Variants in LHFPL3 observed in about 807,000 individuals in gnomAD.
The protein encoded by LHFPL3 is LHFPL tetraspan subfamily member 3 protein.
LHFPL3 carries 5 observed loss-of-function variants against 19.3 expected under a neutral mutation model. That is an observed-to-expected ratio of 0.26 (90% CI 0.14 to 0.54). The LOEUF is 0.54. LHFPL3 is among the 20% of genes least tolerant of loss of function. The pLI, the probability that LHFPL3 is intolerant of heterozygous loss-of-function variation, is 0.94. For missense variants in LHFPL3, 249 were observed against 307.4 expected (o/e 0.81, Z 1.42); for synonymous variants, 133 against 126.2 (o/e 1.05, Z -0.36).
chr7:104,743,636 C>T (rs1027158699), intron 2 of LHFPL3, among the ~76,000 whole-genome samples: 31 of 152,230 alleles, frequency 2.0e-4, no homozygotes, highest in Non-Finnish European at 1.9e-4. Context: ...CCCATATAAC[C>T]TTTTCATTGA....
chr7:104,358,119 G>T (rs1048629046), intron 1 of LHFPL3, among the ~76,000 whole-genome samples: 2 of 152,170 alleles, frequency 1.3e-5, no homozygotes, highest in Non-Finnish European at 2.9e-5. Context: ...ATCCAGAAGA[G>T]ACACATTTAC....
intron 1 of LHFPL3, among the ~76,000 whole-genome samples, chr7:104,454,888 A>C (rs7796342): frequency 0.24 from 36,275 of 152,114 alleles, 5,029 homozygotes; most frequent in African/African-American, 0.39. Flanking sequence ...CATAAAGTAC[A>C]AATTATTTAG....
intron 1 of LHFPL3, among the ~76,000 whole-genome samples, chr7:104,460,038 T>C (rs973489504): frequency 2.0e-5 from 3 of 152,168 alleles, no homozygotes; most frequent in Non-Finnish European, 4.4e-5. Flanking sequence ...GGCCCCAATG[T>C]CTGTTGTTCC....
At chr7:104,408,397 G>A (rs1441822374) in intron 1 of LHFPL3, among the ~76,000 whole-genome samples, 2 of 150,328 alleles carry the variant, frequency 1.3e-5, no homozygotes, top group Non-Finnish European at 2.9e-5. Flanking sequence ...TTTCACATAT[G>A]AATTTGTGGT....
intron 1 of LHFPL3, among the ~76,000 whole-genome samples, chr7:104,645,475 A>G (rs1399138165): frequency 6.6e-6 from 1 of 152,110 alleles, no homozygotes; most frequent in African/African-American, 2.4e-5. Flanking sequence ...AAATTCCTCG[A>G]TGAGTACTAT....
intron 1 of LHFPL3, among the ~76,000 whole-genome samples, chr7:104,590,034 C>G (rs1790675244): frequency 6.6e-6 from 1 of 152,106 alleles, no homozygotes; most frequent in African/African-American, 2.4e-5. Context: ...AGCGGTCTAT[C>G]AATTTTGTTG....
chr7:104,820,983 T>C (rs943083021), intron 2 of LHFPL3, among the ~76,000 whole-genome samples: 2 of 152,108 alleles, frequency 1.3e-5, no homozygotes, highest in African/African-American at 4.8e-5. Context: ...TGGACTGCGT[T>C]TCCCCTCCCC....
intron 1 of LHFPL3, among the ~76,000 whole-genome samples, chr7:104,605,954 C>A (rs968573741): frequency 6.6e-6 from 1 of 151,512 alleles, no homozygotes; most frequent in South Asian, 2.1e-4. Flanking sequence ...TTATTGCATA[C>A]GTTTGAGGTT....
At chr7:104,394,740 G>T (rs1484146736) in intron 1 of LHFPL3, among the ~76,000 whole-genome samples, 1 of 149,186 alleles carries the variant, frequency 6.7e-6, no homozygotes, top group Non-Finnish European at 1.5e-5. Context: ...TTGCTCTGTT[G>T]TTCAGGCTTG....
intron 1 of LHFPL3, among the ~76,000 whole-genome samples, chr7:104,487,167 G>A (rs527834221): frequency 2.6e-5 from 4 of 152,188 alleles, no homozygotes; most frequent in Middle Eastern, 6.8e-3. Context: ...GATGTATAAT[G>A]AAACCAGTTT....
rs376362174 is a variant in LHFPL3 at position 104,457,704 on chromosome 7, T to G, written c.445+128480T>G. Among the ~76,000 whole-genome samples, 250 of 142,410 alleles carry G rather than the reference T, an allele frequency of 1.8e-3. 8 individuals carry two copies. In the East Asian group the frequency reaches 0.049, roughly 28 times the overall value. 93.4% of individuals were successfully genotyped at this position (142,410 alleles called of 152,430 possible). A position where few individuals can be genotyped will look rare whatever the true frequency, so the allele number is the denominator to read the frequency against. ...GGAATCGCCACAGTGACTTCCACAA[T>G]GGTTGAACTAGTTTACAGTCCCACC... On this transcript the variant is annotated intron_variant, in intron 1 of 2. Transcript: ENST00000424859.
intron 1 of LHFPL3, among the ~76,000 whole-genome samples, chr7:104,517,851 G>A (rs1441330552): frequency 2.6e-5 from 4 of 152,070 alleles, no homozygotes; most frequent in East Asian, 3.9e-4. Context: ...ATTTTTGTGA[G>A]CAACACTCTT....
chr7:104,593,439 G>C (rs1196029994), intron 1 of LHFPL3, among the ~76,000 whole-genome samples: 2 of 152,166 alleles, frequency 1.3e-5, no homozygotes, highest in Non-Finnish European at 2.9e-5. Flanking sequence ...TACATTTGCT[G>C]AGGAGTGCTT....
At chr7:104,430,426 A>ACG (rs1562895239) in intron 1 of LHFPL3, among the ~76,000 whole-genome samples, 42 of 11,360 alleles carry the variant, frequency 3.7e-3, no homozygotes, top group African/African-American at 7.1e-3. Context: ...ATACATATAT[A>ACG]TATATATATA....
At chr7:104,517,810 T>C (rs997415752) in intron 1 of LHFPL3, among the ~76,000 whole-genome samples, 1 of 151,992 alleles carries the variant, frequency 6.6e-6, no homozygotes, top group Non-Finnish European at 1.5e-5. Context: ...GCCCGGACAA[T>C]TGCATTATTA....
intron 1 of LHFPL3, among the ~76,000 whole-genome samples, chr7:104,723,852 G>C (rs928392235): frequency 6.8e-6 from 1 of 146,694 alleles, no homozygotes; most frequent in African/African-American, 2.5e-5. Flanking sequence ...ATTTTAATAA[G>C]AAACCCATTT....
At chr7:104,683,457 G>A (rs2116100833) in intron 1 of LHFPL3, among the ~76,000 whole-genome samples, 1 of 152,298 alleles carries the variant, frequency 6.6e-6, no homozygotes, top group East Asian at 1.9e-4. Flanking sequence ...AAGACATACA[G>A]TTTCTAATGT....
intron 1 of LHFPL3, among the ~76,000 whole-genome samples, chr7:104,716,169 A>C (rs1458421655): frequency 6.6e-6 from 1 of 152,172 alleles, no homozygotes; most frequent in Non-Finnish European, 1.5e-5. Flanking sequence ...TAACATGGTG[A>C]AACCCTGTCT....
intron 1 of LHFPL3, among the ~76,000 whole-genome samples, chr7:104,555,799 C>T (rs1280440264): frequency 1.3e-5 from 2 of 152,300 alleles, no homozygotes; most frequent in Non-Finnish European, 2.9e-5. Flanking sequence ...TGAGACAAAG[C>T]AAGTCCCTTC....
Sources: gnomAD v4.1 joint callset for allele counts (sites outside exome capture counted in the v4.1 genomes callset) on GRCh38, gnomAD v4.1.1 for gene constraint, MANE v1.5 for transcripts, NCBI Gene and HGNC (gene_info 2026-07-23, HGNC 2026-07-21) for gene names.